FLT3: variants seen among roughly 807,000 people sequenced by gnomAD.
FLT3 encodes fms related receptor tyrosine kinase 3, also known as receptor-type tyrosine-protein kinase FLT3.
A neutral mutation model predicts 126.6 loss-of-function variants in FLT3; 46 were observed. The ratio of observed to expected loss-of-function variants is 0.36; its 90% CI spans 0.29 to 0.46. The LOEUF (loss-of-function observed/expected upper bound fraction) is 0.46, where lower values mean the gene tolerates loss of function less well. FLT3 is among the 20% of genes least tolerant of loss of function. FLT3 has a pLI of 1.00. For missense variants in FLT3, 1,069 were observed against 1,190.3 expected (o/e 0.90, Z 1.50); for synonymous variants, 404 against 434.4 (o/e 0.93, Z 0.87).
chr13:28,007,100 T>C (rs542116542), intron 23 of FLT3, among the ~76,000 whole-genome samples: 1 of 152,274 alleles, frequency 6.6e-6, no homozygotes, highest in Admixed American at 6.5e-5. Context: ...AATGACTTTT[T>C]AAATACATTC....
chr13:28,092,461 G>T (rs1386464300), intron 1 of FLT3, among the ~76,000 whole-genome samples: 1 of 151,952 alleles, frequency 6.6e-6, no homozygotes, highest in Non-Finnish European at 1.5e-5. Flanking sequence ...CAATCTCCTG[G>T]GCTCAAGTGA....
At position 28,033,154 on chromosome 13, in the gene FLT3, A is replaced by C. The variant is rs888006798; in HGVS notation, c.1942+733T>G. 7.4e-4 allele frequency among the ~76,000 whole-genome samples: 111 copies of C among 149,536 alleles called. 2 individuals are homozygous for C. Among genetic ancestry groups the C allele is most frequent in the Non-Finnish European group, 8.3e-4 (56 of 67,250 alleles). Reference sequence around the variant, plus strand: ...AATATGGTGAGACACCGTATCTACAAAAAAAAAAAAAAATTAGCCAATTGT... The same window carrying C: ...AATATGGTGAGACACCGTATCTACACAAAAAAAAAAAAATTAGCCAATTGT... On this transcript the variant is annotated intron_variant, in intron 15 of 23. Coordinates refer to ENST00000241453, the MANE Select transcript of FLT3 (RefSeq NM_004119.3).
rs751443823 is a variant in FLT3 at position 28,037,291 on chromosome 13, G to A, written c.1206-3C>T. The stretch of plus-strand genomic sequence containing the variant: ...TATGATTGCAAAACTTGGATATGCT[G>A]TTTGAAAAAGAATTAAAGACAGATT... On this transcript the variant is annotated splice_polypyrimidine_tract_variant and splice_region_variant and intron_variant, in intron 9 of 23. Transcript: ENST00000241453. 8 of 1,571,122 alleles carry A rather than the reference G, an allele frequency of 5.1e-6. No individual in the cohort carries two copies. The South Asian group carries it at 6.7e-5, about 13-fold the overall frequency.
At chr13:28,004,227 T>G in intron 23 of FLT3, 53 bp from the exon 24 acceptor site, 1 of 1,567,782 alleles carries the variant, frequency 6.4e-7, no homozygotes, top group Non-Finnish European at 8.8e-7. Flanking sequence ...TAGATGCACA[T>G]GTTATGCGCC....
At chr13:28,057,803 G>A (rs557874352) in intron 3 of FLT3, among the ~76,000 whole-genome samples, 1 of 152,336 alleles carries the variant, frequency 6.6e-6, no homozygotes, top group East Asian at 1.9e-4. Context: ...ACTTTGGGAA[G>A]CCGAGGCAGG....
chr13:28,004,087 G>C lies in FLT3; in HGVS notation c.2947C>G (p.Leu983Val), dbSNP rs1679011004. The stretch of plus-strand genomic sequence containing the variant: ...TCGACCTGAGCCTGCGGAGAGAGTA[G>C]CCCCAAATCCATCTCTCTGCTGAAA... ...RPFSREMDLGLLSPQAQVEDS is the reference protein window; with the variant it reads ...RPFSREMDLGVLSPQAQVEDS Residue 983 changes from leucine (L) to valine (V), a missense_variant, in exon 24 of 24, where the codon CTA becomes GTA. Transcript: ENST00000241453. The C allele has an allele frequency of 1.2e-6, 2 of 1,613,966 alleles. No homozygotes were observed. Among genetic ancestry groups the C allele is most frequent in the Non-Finnish European group, 1.7e-6 (2 of 1,180,032 alleles).
chr13:28,081,070 T>G (rs1878271444), intron 1 of FLT3, among the ~76,000 whole-genome samples: 1 of 152,232 alleles, frequency 6.6e-6, no homozygotes, highest in African/African-American at 2.4e-5. Context: ...TACTACAAAT[T>G]CTCTAACTTT....
chr13:28,096,173 A>G (rs1488931364), intron 1 of FLT3, among the ~76,000 whole-genome samples: 1 of 151,940 alleles, frequency 6.6e-6, no homozygotes, highest in African/African-American at 2.4e-5. Context: ...TAGACAATAC[A>G]GTGAAACCCC....
Position 28,049,786 on chromosome 13 carries a change from A to G in FLT3, c.743-12T>C, listed in dbSNP as rs1296429724. The G allele has an allele frequency of 1.2e-6, 2 of 1,607,944 alleles. No individual in the cohort carries two copies. The highest frequency in any genetic ancestry group is 2.2e-5 in the East Asian group (1 of 44,822). ...AGTTTGATTTAGATCTAGGAGATGA[A>G]AACATCCCAAGTGAGAAAAAAAAAG... is the stretch of plus-strand genomic sequence containing the variant. On this transcript the variant is annotated splice_polypyrimidine_tract_variant and intron_variant, in intron 6 of 23. Coordinates refer to ENST00000241453, the MANE Select transcript of FLT3 (RefSeq NM_004119.3).
chr13:28,092,725 C>T (rs953434956), intron 1 of FLT3, among the ~76,000 whole-genome samples: 1 of 151,802 alleles, frequency 6.6e-6, no homozygotes, highest in Non-Finnish European at 1.5e-5. Flanking sequence ...CAAATCAGAG[C>T]ATGTCACACC....
At chr13:28,051,252 T>C (rs1875430732) in intron 5 of FLT3, among the ~76,000 whole-genome samples, 1 of 152,144 alleles carries the variant, frequency 6.6e-6, no homozygotes, top group African/African-American at 2.4e-5. Flanking sequence ...TTTTCTTTTT[T>C]TTTAGATGGA....
chr13:28,031,736 G>A (rs1873368303), intron 15 of FLT3, among the ~76,000 whole-genome samples: 1 of 152,192 alleles, frequency 6.6e-6, no homozygotes. Context: ...CAGTGGGTGG[G>A]AGGACAGTGC....
At chr13:28,019,637 C>G (rs1406645865) in intron 19 of FLT3, among the ~76,000 whole-genome samples, 3 of 152,174 alleles carry the variant, frequency 2.0e-5, no homozygotes, top group Non-Finnish European at 4.4e-5. Context: ...CACTTTACCC[C>G]AGGTCTGCAA....
intron 2 of FLT3, among the ~76,000 whole-genome samples, chr13:28,067,337 T>C (rs1477235149): frequency 3.3e-5 from 5 of 152,282 alleles, no homozygotes; most frequent in Non-Finnish European, 5.9e-5. Context: ...TAAAAAGTTT[T>C]TAAAAATTAA....
At chr13:28,065,572 G>A (rs1248485811) in intron 2 of FLT3, among the ~76,000 whole-genome samples, 2 of 151,884 alleles carry the variant, frequency 1.3e-5, no homozygotes, top group Non-Finnish European at 2.9e-5. Flanking sequence ...AGCCTAGGAG[G>A]TTGAGGCTGA....
At chr13:28,053,660 C>T (rs73439158) in intron 4 of FLT3, among the ~76,000 whole-genome samples, 1 of 151,922 alleles carries the variant, frequency 6.6e-6, no homozygotes, top group African/African-American at 2.4e-5. Context: ...TCTTGAGCTT[C>T]AAAATAGTGT....
At chr13:28,066,402 T>C (rs1877043416) in intron 2 of FLT3, among the ~76,000 whole-genome samples, 2 of 152,144 alleles carry the variant, frequency 1.3e-5, no homozygotes, top group African/African-American at 4.8e-5. Flanking sequence ...CCAGTGCTCT[T>C]TGGAGAAGTG....
At chr13:28,041,001 G>A (rs1874329624) in intron 9 of FLT3, among the ~76,000 whole-genome samples, 1 of 151,826 alleles carries the variant, frequency 6.6e-6, no homozygotes, top group Non-Finnish European at 1.5e-5. Context: ...TGAATAAGGT[G>A]TTTAACCTTC....
intron 15 of FLT3, among the ~76,000 whole-genome samples, chr13:28,029,350 C>T (rs796189646): frequency 2.6e-5 from 4 of 152,204 alleles, no homozygotes; most frequent in African/African-American, 9.6e-5. Context: ...CGAGATTGAG[C>T]CCCTGCACCA....
Sources: gnomAD v4.1 joint callset for allele counts (sites outside exome capture counted in the v4.1 genomes callset) on GRCh38, gnomAD v4.1.1 for gene constraint, MANE v1.5 for transcripts, NCBI Gene and HGNC (gene_info 2026-07-23, HGNC 2026-07-21) for gene names.